KCNN2: variants seen among roughly 807,000 people sequenced by gnomAD.
KCNN2 encodes the protein potassium calcium-activated channel subfamily N member 2.
KCNN2 carries 24 observed loss-of-function variants against 55.5 expected under a neutral mutation model. The observed-to-expected ratio is 0.43, with a 90% CI of 0.31 to 0.61. The LOEUF is 0.61. Ranked by LOEUF, KCNN2 falls within the 20% of genes least tolerant of loss-of-function variation. The probability of loss-of-function intolerance (pLI) is 0.08; values close to 1 mark genes in which losing one functional copy is unlikely to be tolerated. For missense variants in KCNN2, 754 were observed against 853.6 expected, an observed-to-expected ratio of 0.88 and a Z score of 1.45; for synonymous variants, 431 against 336.1, an observed-to-expected ratio of 1.28 and a Z score of -3.09.
chr5:114,362,736 C>T lies in KCNN2; in HGVS notation c.597C>T (p.Pro199=). Residue 199 remains proline (P), a synonymous_variant, in exon 1 of 8, where the codon CCC becomes CCT. Coordinates refer to ENST00000673685, the MANE Select transcript of KCNN2 (RefSeq NM_021614.4). ...CGGCGCACCACCAGCACCACCAGCC[C>T]CAGGCGCGCCGCGAGAGCAACCCCT... The part of the protein sequence containing the change: ...PHPAHHQHHQ[P]QARRESNPFT... 3 of 1,535,832 alleles carry T rather than the reference C, an allele frequency of 2.0e-6. No homozygotes were observed. The highest frequency in any genetic ancestry group is 2.6e-6 in the Non-Finnish European group (3 of 1,148,546).
chr5:114,096,424 A>G (rs1751256624), intron 1 of KCNN2, among the ~76,000 whole-genome samples: 1 of 152,158 alleles, frequency 6.6e-6, no homozygotes, highest in Admixed American at 6.6e-5. Context: ...ATTACATAAT[A>G]CAATTGAAAT....
At position 114,299,257 on chromosome 5, in the gene KCNN2, A is replaced by T. The variant is rs1756101405; in HGVS notation, c.-184-61688A>T. On this transcript the variant is annotated intron_variant, in intron 2 of 10. Coordinates refer to the KCNN2 transcript ENST00000512097. The stretch of plus-strand genomic sequence containing the variant: ...CAGGTCTTCTCATTCACACATACAC[A>T]AATATCCTGTTGGGAGCAACTTAGG... Among the ~76,000 whole-genome samples, 3 of 152,054 alleles carry T rather than the reference A, an allele frequency of 2.0e-5. No individual in the cohort carries two copies. In the South Asian group the frequency reaches 6.2e-4, roughly 32 times the overall value.
chr5:114,486,357 A>G (rs559367362), intron 5 of KCNN2, among the ~76,000 whole-genome samples: 3 of 152,320 alleles, frequency 2.0e-5, no homozygotes, highest in African/African-American at 7.2e-5. Context: ...ACTTTCATCA[A>G]GAAAGCAAGT....
intron 6 of KCNN2, among the ~76,000 whole-genome samples, chr5:114,491,789 G>T (rs1372308654): frequency 2.6e-5 from 4 of 152,096 alleles, no homozygotes; most frequent in Non-Finnish European, 5.9e-5. Context: ...GGAATCCACT[G>T]TTGTACACTG....
rs766140555 is a variant in KCNN2, at chr5:114,362,746, C to G, written c.607C>G (p.Arg203Gly). The G allele has an allele frequency of 4.5e-6, 7 of 1,544,344 alleles. No individual in the cohort carries two copies. Among genetic ancestry groups the G allele is most frequent in the Non-Finnish European group, 6.1e-6 (7 of 1,152,464 alleles). ...CCAGCACCACCAGCCCCAGGCGCGC[C>G]GCGAGAGCAACCCCTTCACCGAAAT... is the stretch of plus-strand genomic sequence containing the variant. ...HHQHHQPQAR[R>G]ESNPFTEIAM... The change falls in exon 1 of 8, where the codon CGC (arginine) becomes GGC (glycine). Residue 203 changes from arginine (R) to glycine (G), a missense_variant. Arg to Gly is a moderately radical substitution (Grantham distance 125). Coordinates refer to ENST00000673685, the MANE Select transcript of KCNN2 (RefSeq NM_021614.4).
chr5:114,306,067 T>C (rs1261166788), intron 2 of KCNN2, among the ~76,000 whole-genome samples: 2 of 152,226 alleles, frequency 1.3e-5, no homozygotes, highest in African/African-American at 4.8e-5. Context: ...TTCTATAGAT[T>C]GCATTATGAC....
At chr5:114,278,196 G>A (rs1459150777) in intron 2 of KCNN2, among the ~76,000 whole-genome samples, 1 of 152,160 alleles carries the variant, frequency 6.6e-6, no homozygotes, top group Admixed American at 6.5e-5. Flanking sequence ...AGCAAATATT[G>A]CTGCCTGATC....
intron 3 of KCNN2, among the ~76,000 whole-genome samples, chr5:114,459,729 A>G (rs1239585899): frequency 3.3e-5 from 5 of 152,214 alleles, no homozygotes; most frequent in Non-Finnish European, 5.9e-5. Context: ...AGCAAAAAGG[A>G]TAATTTATCA....
intron 2 of KCNN2, among the ~76,000 whole-genome samples, chr5:114,229,239 A>G (rs913508354): frequency 2.6e-5 from 4 of 151,670 alleles, no homozygotes; most frequent in African/African-American, 4.8e-5. Context: ...AAATGTGTCT[A>G]TCTCCTGAAT....
chr5:114,412,453 G>T (rs1416198345), intron 3 of KCNN2, among the ~76,000 whole-genome samples: 1 of 152,054 alleles, frequency 6.6e-6, no homozygotes, highest in Non-Finnish European at 1.5e-5. Context: ...AAATGATCTG[G>T]GTTCTAATTT....
intron 3 of KCNN2, among the ~76,000 whole-genome samples, chr5:114,421,267 TTTAA>T (rs999616881): frequency 6.0e-5 from 9 of 151,118 alleles, no homozygotes; most frequent in African/African-American, 1.5e-4. Flanking sequence ...TTAAGACAAA[TTTAA>T]TTAATTAATT....
intron 5 of KCNN2, 159 bp from the exon 6 acceptor site, chr5:114,486,891 A>G (rs1747577483): frequency 8.8e-7 from 1 of 1,131,482 alleles, no homozygotes; most frequent in South Asian, 1.4e-5. Flanking sequence ...AAGTACTTCT[A>G]AAAAGGCATA....
intron 2 of KCNN2, among the ~76,000 whole-genome samples, chr5:114,296,698 C>A (rs1175164964): frequency 6.6e-6 from 1 of 152,132 alleles, no homozygotes; most frequent in Non-Finnish European, 1.5e-5. Context: ...CTTTTCAAGG[C>A]TTTTGTTTAG....
At chr5:114,278,748 G>C (rs1366530361) in intron 2 of KCNN2, among the ~76,000 whole-genome samples, 1 of 152,180 alleles carries the variant, frequency 6.6e-6, no homozygotes, top group East Asian at 1.9e-4. Flanking sequence ...GGGCAGGAGT[G>C]TACCGCTCCT....
chr5:114,442,584 A>G (rs1434215980), intron 3 of KCNN2, among the ~76,000 whole-genome samples: 3 of 152,100 alleles, frequency 2.0e-5, no homozygotes, highest in African/African-American at 7.2e-5. Context: ...CATGCAATAC[A>G]TCTCTATGAA....
At chr5:114,121,888 C>G (rs1465740692) in intron 1 of KCNN2, among the ~76,000 whole-genome samples, 1 of 152,206 alleles carries the variant, frequency 6.6e-6, no homozygotes, top group African/African-American at 2.4e-5. Flanking sequence ...TGAAAAAGAT[C>G]ACACTTTAAT....
intron 2 of KCNN2, among the ~76,000 whole-genome samples, chr5:114,271,133 A>T (rs1020526073): frequency 6.6e-6 from 1 of 152,018 alleles, no homozygotes; most frequent in Non-Finnish European, 1.5e-5. Flanking sequence ...TATCCTGCTG[A>T]TTGGTCCGTT....
chr5:114,217,537 C>A (rs1231185159), intron 1 of KCNN2, among the ~76,000 whole-genome samples: 4 of 152,178 alleles, frequency 2.6e-5, no homozygotes, highest in African/African-American at 9.6e-5. Flanking sequence ...GCTGTAGCAA[C>A]TGGACATTCA....
chr5:114,252,788 T>TGA (rs1040819529), intron 2 of KCNN2, among the ~76,000 whole-genome samples: 2 of 29,750 alleles, frequency 6.7e-5, no homozygotes, highest in Non-Finnish European at 1.2e-4. Flanking sequence ...TGTGTGTGTG[T>TGA]GAGAGAGAGA....
Sources: allele counts gnomAD v4.1 joint callset (sites outside exome capture counted in the v4.1 genomes callset), GRCh38; gene constraint gnomAD v4.1.1; transcripts MANE v1.5; gene names NCBI Gene and HGNC (gene_info 2026-07-23, HGNC 2026-07-21).